Variants in ZMYM4 observed in about 807,000 individuals in gnomAD.
ZMYM4 encodes the protein zinc finger MYM-type containing 4, also known as zinc finger MYM-type protein 4.
In ZMYM4, 31 loss-of-function variants were observed where a neutral mutation model predicts 183.2. That is an observed-to-expected ratio of 0.17 (90% confidence interval 0.13 to 0.23). ZMYM4 has a LOEUF of 0.23. Ranked by LOEUF, ZMYM4 falls within the 10% of genes least tolerant of loss-of-function variation. ZMYM4 has a pLI of 1.00. For synonymous variants in ZMYM4, 592 were observed against 631.2 expected (o/e 0.94, Z 0.93); for missense variants, 1,273 against 1,840.3 (o/e 0.69, Z 5.64).
intron 1 of ZMYM4, among the ~76,000 whole-genome samples, chr1:35,297,231 C>T (rs1180007643): frequency 1.3e-5 from 2 of 151,914 alleles, no homozygotes; most frequent in Admixed American, 6.6e-5. Context: ...ATAAACTTGG[C>T]GAGACTGAAT....
In ZMYM4 at chr1:35,417,732, G is replaced by A. The variant is rs1024474903; in HGVS notation, c.4310-711G>A. Among the ~76,000 whole-genome samples, 24 of 152,162 alleles carry A rather than the reference G, an allele frequency of 1.6e-4. 1 individual carries two copies. The East Asian group carries it at 3.5e-3, about 22-fold the overall frequency. On this transcript the variant is annotated intron_variant, in intron 28 of 29. Transcript: ENST00000314607. Reference sequence around the variant, plus strand: ...GTCTCTTAAAAGAGAGATGGCGACCGGGCACGGTGGTTCATGCCTGTAATC... The same window carrying A: ...GTCTCTTAAAAGAGAGATGGCGACCAGGCACGGTGGTTCATGCCTGTAATC...
chr1:35,388,409 T>G (rs1384585272), intron 13 of ZMYM4, among the ~76,000 whole-genome samples: 2 of 152,200 alleles, frequency 1.3e-5, no homozygotes, highest in African/African-American at 4.8e-5. Context: ...TTCACCATGT[T>G]GGCCAGGCTG....
intron 23 of ZMYM4, 182 bp from the exon 24 acceptor site, chr1:35,404,841 C>T: frequency 2.0e-6 from 1 of 504,216 alleles, no homozygotes; most frequent in South Asian, 4.7e-5. Context: ...TTCTTCCTTC[C>T]TCATATGGAT....
rs147836642 is a variant in ZMYM4, at chr1:35,315,516, C to T, written c.40-9844C>T. 3.5e-3 allele frequency among the ~76,000 whole-genome samples: 528 copies of T among 152,212 alleles called. 2 individuals are homozygous for T. The highest frequency in any genetic ancestry group is 4.8e-3 in the Non-Finnish European group (328 of 68,012). ...TCTTTTTTTGATGGAGAAACCAAGC[C>T]TGTTTTTAGTTTATGTCAGTGTAAT... On this transcript the variant is annotated intron_variant, in intron 1 of 29. Transcript: ENST00000314607.
At chr1:35,373,997 C>T (rs1167609035) in intron 7 of ZMYM4, among the ~76,000 whole-genome samples, 1 of 146,986 alleles carries the variant, frequency 6.8e-6, no homozygotes, top group Non-Finnish European at 1.5e-5. Flanking sequence ...TTTCTGTATT[C>T]CAGTATGTTC....
intron 1 of ZMYM4, among the ~76,000 whole-genome samples, chr1:35,271,260 G>C (rs981887626): frequency 6.6e-6 from 1 of 151,836 alleles, no homozygotes; most frequent in South Asian, 2.1e-4. Flanking sequence ...ATTGATGTGT[G>C]TTGACAACAA....
chr1:35,311,013 A>G (rs1007454049), intron 1 of ZMYM4, among the ~76,000 whole-genome samples: 2 of 152,168 alleles, frequency 1.3e-5, no homozygotes, highest in Admixed American at 6.5e-5. Flanking sequence ...ATACGCTTCT[A>G]TCACCCCATT....
At chr1:35,334,314 C>T (rs541004080) in intron 2 of ZMYM4, among the ~76,000 whole-genome samples, 80 of 152,060 alleles carry the variant, frequency 5.3e-4, no homozygotes, top group Non-Finnish European at 1.0e-3. Context: ...AAGAGACCTT[C>T]TTTCTAAAAA....
chr1:35,339,739 C>T (rs996427157), intron 2 of ZMYM4, among the ~76,000 whole-genome samples: 2 of 152,080 alleles, frequency 1.3e-5, no homozygotes, highest in Admixed American at 6.6e-5. Flanking sequence ...TTGCCTTTCA[C>T]GTGTAGCTTT....
chr1:35,298,782 G>A (rs1475313907), intron 1 of ZMYM4, among the ~76,000 whole-genome samples: 1 of 152,124 alleles, frequency 6.6e-6, no homozygotes, highest in Non-Finnish European at 1.5e-5. Context: ...AGTTTTGCAG[G>A]GTCCATCTCC....
Position 35,381,659 on chromosome 1 carries a change from G to T in ZMYM4, c.1470G>T (p.Gly490=), listed in dbSNP as rs1376203434. 1 of 1,614,192 alleles carries T rather than the reference G, an allele frequency of 6.2e-7. No homozygotes were observed. The highest frequency in any genetic ancestry group is 8.5e-7 in the Non-Finnish European group (1 of 1,180,034). ...CCATGAACTGTTGTGAGAACTGTGG[G>T]GGTTACTGTTACAGTGGGTCGGGAC... ...NLTMNCCENC[G]GYCYSGSGQC... The change falls in exon 9 of 30, where the codon GGG becomes GGT. Residue 490 remains glycine (G), a synonymous_variant. Coordinates refer to ENST00000314607, the MANE Select transcript of ZMYM4 (RefSeq NM_005095.3).
At chr1:35,341,176 A>C (rs1278056464) in intron 2 of ZMYM4, among the ~76,000 whole-genome samples, 2 of 152,026 alleles carry the variant, frequency 1.3e-5, no homozygotes, top group African/African-American at 4.8e-5. Flanking sequence ...TGTGGTATAG[A>C]CATTTATCTG....
intron 5 of ZMYM4, among the ~76,000 whole-genome samples, chr1:35,366,895 A>G (rs941430896): frequency 2.0e-5 from 3 of 151,954 alleles, no homozygotes; most frequent in Admixed American, 1.3e-4. Context: ...GTGGTGGTGC[A>G]TGCCTGTAAT....
intron 7 of ZMYM4, among the ~76,000 whole-genome samples, chr1:35,377,001 G>T (rs1169121536): frequency 6.6e-6 from 1 of 151,888 alleles, no homozygotes; most frequent in Non-Finnish European, 1.5e-5. Context: ...CCGCCTCCCA[G>T]GTTCAAGCGA....
At chr1:35,290,670 T>C (rs1314343545) in intron 1 of ZMYM4, among the ~76,000 whole-genome samples, 2 of 152,146 alleles carry the variant, frequency 1.3e-5, no homozygotes, top group African/African-American at 4.8e-5. Flanking sequence ...CCTCAAACAA[T>C]CTTCCTGCCT....
intron 1 of ZMYM4, among the ~76,000 whole-genome samples, chr1:35,299,783 T>C (rs966622408): frequency 6.6e-6 from 1 of 151,836 alleles, no homozygotes; most frequent in South Asian, 2.1e-4. Flanking sequence ...AGAGATTCTT[T>C]CTTTCTTTCT....
intron 23 of ZMYM4, among the ~76,000 whole-genome samples, 176 bp downstream of exon 23, chr1:35,399,752 A>G (rs987903778): frequency 3.3e-5 from 5 of 152,104 alleles, no homozygotes; most frequent in Admixed American, 6.5e-5. Context: ...TTCTTTCAGT[A>G]GGAACTTTTT....
In ZMYM4 at chr1:35,405,433, C is replaced by T. The variant is rs147649051; in HGVS notation, c.3761C>T (p.Ala1254Val). Residue 1254 changes from alanine to valine, a missense_variant, in exon 25 of 30, where the codon GCA becomes GTA. By Grantham distance (64) the Ala-to-Val change is moderately conservative. Transcript: ENST00000314607. ...CCCTTAGGAAGTACTCAAGACCATG[C>T]ACTCTCTCAAGAATCCTCAGAGCCA... ...SDPLGSTQDH[A>V]LSQESSEPGC... is the part of the protein sequence containing the mutation. The T allele has an allele frequency of 8.7e-5, 140 of 1,612,906 alleles. No individual in the cohort carries two copies. In the East Asian group the frequency reaches 2.8e-3, roughly 32 times the overall value.
chr1:35,300,148 A>G (rs1382651098), intron 1 of ZMYM4, among the ~76,000 whole-genome samples: 1 of 152,166 alleles, frequency 6.6e-6, no homozygotes, highest in Non-Finnish European at 1.5e-5. Flanking sequence ...TGGGGTTTGC[A>G]AAGGGAGTAG....
Sources: gnomAD v4.1 joint callset for allele counts (sites outside exome capture counted in the v4.1 genomes callset) on GRCh38, gnomAD v4.1.1 for gene constraint, MANE v1.5 for transcripts, NCBI Gene and HGNC (gene_info 2026-07-23, HGNC 2026-07-21) for gene names.